ARHGAP6: variants seen among roughly 807,000 people sequenced by gnomAD.
ARHGAP6 encodes rho GTPase-activating protein 6.
Under a neutral mutation model 55.7 loss-of-function variants are expected in ARHGAP6, and 16 were observed. The observed-to-expected ratio is 0.29, with a 90% CI of 0.19 to 0.44. ARHGAP6 has a LOEUF of 0.44. Among genes scored for constraint, ARHGAP6 ranks in the 20% least tolerant of loss-of-function variants. ARHGAP6 has a pLI of 1.00. For missense variants in ARHGAP6, 698 were observed against 808.9 expected, an observed-to-expected ratio of 0.86 and a Z score of 1.66; for synonymous variants, 382 against 360.9, an observed-to-expected ratio of 1.06 and a Z score of -0.66.
intron 1 of ARHGAP6, among the ~76,000 whole-genome samples, chrX:11,543,062 C>G (rs1403861491): frequency 8.9e-6 from 1 of 111,910 alleles, no homozygotes; most frequent in Non-Finnish European, 1.9e-5. Context: ...AACACAATAG[C>G]TTCACAAATG....
intron 1 of ARHGAP6, among the ~76,000 whole-genome samples, chrX:11,589,692 G>T (rs906330234): frequency 4.5e-5 from 5 of 111,329 alleles, no homozygotes; most frequent in African/African-American, 1.6e-4. Context: ...TGATAGGCTG[G>T]TTTGGAGGGG....
intron 1 of ARHGAP6, among the ~76,000 whole-genome samples, chrX:11,452,655 C>T (rs930115811): frequency 8.9e-6 from 1 of 111,773 alleles, no homozygotes; most frequent in South Asian, 3.8e-4. Flanking sequence ...GAATTGCATG[C>T]TTCTCAACAA....
At chrX:11,446,578 A>C (rs1389647703) in intron 1 of ARHGAP6, among the ~76,000 whole-genome samples, 2 of 111,739 alleles carry the variant, frequency 1.8e-5, no homozygotes, top group Non-Finnish European at 3.8e-5. Flanking sequence ...GAAAGCTGAC[A>C]TTCCGTTCCT....
intron 1 of ARHGAP6, among the ~76,000 whole-genome samples, chrX:11,568,958 A>G (rs2051480537): frequency 8.9e-6 from 1 of 111,971 alleles, no homozygotes. Context: ...GGTAAAATCT[A>G]TGTCTAGGCC....
chrX:11,487,985 C>G (rs752167155), intron 1 of ARHGAP6, among the ~76,000 whole-genome samples: 47 of 112,130 alleles, frequency 4.2e-4, no homozygotes, highest in Admixed American at 1.1e-3. Flanking sequence ...ATATTCATAT[C>G]AAAAACATAT....
rs1385399573 is a variant in ARHGAP6 at position 11,411,222 on chromosome X, T to TATATATATATATAA, written c.589-156516_589-156515insTTATATATATATAT. On this transcript the variant is annotated intron_variant, in intron 1 of 12. Transcript: ENST00000337414. ...ATATATATATATATATATATATATA[T>TATATATATATATAA]AAAATATACAAATATATATGAAATA... 1.1e-3 allele frequency among the ~76,000 whole-genome samples: 85 copies of TATATATATATATAA among 79,513 alleles called. 1 individual carries two copies. Among genetic ancestry groups the TATATATATATATAA allele is most frequent in the Non-Finnish European group, 1.6e-3 (69 of 41,951 alleles). 69.0% of individuals were successfully genotyped at this position (79,513 alleles called of 115,157 possible).
intron 2 of ARHGAP6, among the ~76,000 whole-genome samples, chrX:11,204,312 A>T (rs760688526): frequency 4.5e-5 from 5 of 111,328 alleles, no homozygotes; most frequent in Admixed American, 9.6e-5. Flanking sequence ...ATGGATGGGG[A>T]TTGGTTTTGG....
chrX:11,315,817 T>G (rs1447674413), intron 1 of ARHGAP6, among the ~76,000 whole-genome samples: 1 of 112,371 alleles, frequency 8.9e-6, no homozygotes, highest in Admixed American at 9.4e-5. Context: ...ATTTTTCATC[T>G]GCAATTCCTC....
intron 1 of ARHGAP6, among the ~76,000 whole-genome samples, chrX:11,311,724 G>A (rs369172243): frequency 8.9e-6 from 1 of 111,763 alleles, no homozygotes; most frequent in Non-Finnish European, 1.9e-5. Flanking sequence ...TCCCCAAAGC[G>A]CCGGCTGTGT....
chrX:11,612,076 T>A (rs752450730), intron 1 of ARHGAP6, among the ~76,000 whole-genome samples: 2 of 112,321 alleles, frequency 1.8e-5, no homozygotes, highest in Non-Finnish European at 3.8e-5. Flanking sequence ...ATTAGCTTAA[T>A]CTTCCTAGTG....
At chrX:11,179,704 CAATAT>C (rs2046286633) in intron 6 of ARHGAP6, among the ~76,000 whole-genome samples, 3 of 100,686 alleles carry the variant, frequency 3.0e-5, no homozygotes, top group South Asian at 4.3e-4. Flanking sequence ...TACATATATA[CAATAT>C]ATGTATTGTA....
At chrX:11,422,358 A>G (rs2049832550) in intron 1 of ARHGAP6, among the ~76,000 whole-genome samples, 1 of 111,662 alleles carries the variant, frequency 9.0e-6, no homozygotes, top group Non-Finnish European at 1.9e-5. Context: ...GAGGAACAGA[A>G]AGGGCACAGA....
chrX:11,201,428 G>T (rs896844328), intron 2 of ARHGAP6, among the ~76,000 whole-genome samples: 1 of 111,964 alleles, frequency 8.9e-6, no homozygotes, highest in African/African-American at 3.2e-5. Flanking sequence ...CCATTTTACA[G>T]ATAAGGAGAC....
At chrX:11,156,442 G>T in intron 10 of ARHGAP6, 87 bp downstream of exon 10, 1 of 866,746 alleles carries the variant, frequency 1.2e-6, no homozygotes, top group Non-Finnish European at 1.6e-6. Flanking sequence ...CACCCTGCAT[G>T]TACTTATGTA....
chrX:11,580,240 T>C (rs1243175824), intron 1 of ARHGAP6, among the ~76,000 whole-genome samples: 1 of 112,497 alleles, frequency 8.9e-6, no homozygotes, highest in Non-Finnish European at 1.9e-5. Context: ...TTGCAGTTTC[T>C]TTTCCAAACT....
At chrX:11,487,036 C>G (rs937598161) in intron 1 of ARHGAP6, among the ~76,000 whole-genome samples, 1 of 111,363 alleles carries the variant, frequency 9.0e-6, no homozygotes, top group African/African-American at 3.3e-5. Context: ...GACCACATTT[C>G]TCACTGTTAG....
intron 1 of ARHGAP6, among the ~76,000 whole-genome samples, chrX:11,646,432 C>T (rs768413577): frequency 9.0e-6 from 1 of 111,230 alleles, no homozygotes. Flanking sequence ...GGGGTCATTT[C>T]AATACAGAAT....
At chrX:11,296,137 C>T (rs752106972) in intron 1 of ARHGAP6, among the ~76,000 whole-genome samples, 1 of 112,481 alleles carries the variant, frequency 8.9e-6, no homozygotes, top group East Asian at 2.8e-4. Context: ...ATAATGTTTC[C>T]ACTTTGCTCC....
At chrX:11,271,662 A>G (rs1446532826) in intron 1 of ARHGAP6, among the ~76,000 whole-genome samples, 4 of 111,857 alleles carry the variant, frequency 3.6e-5, no homozygotes, top group African/African-American at 1.3e-4. Flanking sequence ...ACTGTAAGAT[A>G]ATTTATCCTA....
Sources: gnomAD v4.1 joint callset for allele counts (sites outside exome capture counted in the v4.1 genomes callset) on GRCh38, gnomAD v4.1.1 for gene constraint, MANE v1.5 for transcripts, NCBI Gene and HGNC (gene_info 2026-07-23, HGNC 2026-07-21) for gene names.